Variants in ATP9A observed in about 807,000 individuals in gnomAD.
ATP9A encodes probable phospholipid-transporting ATPase IIA.
A neutral mutation model predicts 144.1 loss-of-function variants in ATP9A; 52 were observed. That is an observed-to-expected ratio of 0.36 (90% CI 0.29 to 0.45). The LOEUF (loss-of-function observed/expected upper bound fraction) is 0.45, where lower values mean the gene tolerates loss of function less well. Among genes scored for constraint, ATP9A ranks in the 20% least tolerant of loss-of-function variants. The pLI, the probability that ATP9A is intolerant of heterozygous loss-of-function variation, is 1.00. For missense variants in ATP9A, 947 were observed against 1,392.7 expected, an observed-to-expected ratio of 0.68 and a Z score of 5.09; for synonymous variants, 582 against 557.4, an observed-to-expected ratio of 1.04 and a Z score of -0.62.
At chr20:51,605,136 T>C in intron 26 of ATP9A, 116 bp from the exon 27 acceptor site, 1 of 875,594 alleles carries the variant, frequency 1.1e-6, no homozygotes, top group Non-Finnish European at 1.6e-6. Context: ...CATCACTTGT[T>C]ACATGAGGTT....
chr20:51,723,337 CA>C (rs2077697655), intron 3 of ATP9A, among the ~76,000 whole-genome samples: 1 of 151,744 alleles, frequency 6.6e-6, no homozygotes, highest in South Asian at 2.1e-4. Context: ...CAAAATCTCA[CA>C]AATCACCACT....
Position 51,718,814 on chromosome 20 carries a change from C to CAAAAAA in ATP9A, c.328-5746_328-5741dup, listed in dbSNP as rs71192550. ...TGGGCAACAGAGCAAGACTCCATCT[C>CAAAAAA]AAAAAAAAAAAAAAAAAAAAAAAAA... On this transcript the variant is annotated intron_variant, in intron 3 of 27. Transcript: ENST00000338821. Among the ~76,000 whole-genome samples the CAAAAAA allele has an allele frequency of 3.3e-4, 19 of 57,692 alleles. 2 individuals carry two copies. Among genetic ancestry groups the CAAAAAA allele is most frequent in the African/African-American group, 9.8e-4 (11 of 11,242 alleles). The allele number at this position is 57,692 out of a possible 152,430, so 37.8% of individuals were successfully genotyped here.
chr20:51,657,216 C>A (rs2077390861), intron 13 of ATP9A, 66 bp from the exon 14 acceptor site: 29 of 1,316,988 alleles, frequency 2.2e-5, no homozygotes, highest in Non-Finnish European at 3.0e-5. Flanking sequence ...AGTGGAAGAA[C>A]AGCCGTGCAG....
At chr20:51,731,371 A>G (rs868866693) in intron 1 of ATP9A, among the ~76,000 whole-genome samples, 25 of 152,236 alleles carry the variant, frequency 1.6e-4, no homozygotes, top group African/African-American at 5.5e-4. Context: ...AGGATTTAAG[A>G]AAATAAATAT....
chr20:51,694,488 G>A (rs1013822268), intron 6 of ATP9A, among the ~76,000 whole-genome samples: 2 of 152,114 alleles, frequency 1.3e-5, no homozygotes, highest in African/African-American at 2.4e-5. Flanking sequence ...ACCTTCTCAG[G>A]ACCCAAACCA....
chr20:51,670,016 A>G lies in ATP9A; in HGVS notation c.1274T>C (p.Ile425Thr). 2 of 1,614,038 alleles carry G rather than the reference A, an allele frequency of 1.2e-6. No individual in the cohort carries two copies. Among genetic ancestry groups the G allele is most frequent in the Non-Finnish European group, 1.7e-6 (2 of 1,179,972 alleles). ...CTTTACCTGGGTGTAAATGCTGAAA[A>G]TGTGGCTTTGTACTTCGTCCATTGA... ...LDSMDEVQSHIFSIYTQQSQD... is the reference protein window; with the variant it reads ...LDSMDEVQSHTFSIYTQQSQD... The change falls in exon 13 of 28, where the codon ATT becomes ACT. Residue 425 changes from isoleucine to threonine, a missense_variant. This residue lies in a region of ATP9A where 770 missense variants were observed against 1,047.9 expected (regional missense o/e 0.73). Transcript: ENST00000338821.
intron 4 of ATP9A, among the ~76,000 whole-genome samples, chr20:51,705,752 C>G (rs1770321313): frequency 1.3e-5 from 2 of 152,174 alleles, no homozygotes; most frequent in Admixed American, 6.6e-5. Flanking sequence ...CCCCATTAAA[C>G]TTTTGGTTTG....
intron 3 of ATP9A, among the ~76,000 whole-genome samples, chr20:51,720,608 CGGATCACTT>C (rs1437885310): frequency 6.6e-6 from 1 of 152,090 alleles, no homozygotes; most frequent in Admixed American, 6.6e-5. Flanking sequence ...TCAAGGTGGA[CGGATCACTT>C]GAGGTCAGGA....
intron 1 of ATP9A, among the ~76,000 whole-genome samples, chr20:51,750,087 G>A (rs952505490): frequency 1.1e-4 from 17 of 152,186 alleles, no homozygotes; most frequent in South Asian, 1.0e-3. Flanking sequence ...CCCGGGAGGC[G>A]GAGGTTGCGG....
Position 51,651,853 on chromosome 20 carries a change from C to T in ATP9A, c.1506+5085G>A, listed in dbSNP as rs544093370. ...CTGAGGCAGAAGAATGGTTTGAACCCGGGAGGCGGAGATTGCAGTGAGCCA... is the reference window on the plus strand; with the variant it reads ...CTGAGGCAGAAGAATGGTTTGAACCTGGGAGGCGGAGATTGCAGTGAGCCA... On this transcript the variant is annotated intron_variant, in intron 14 of 27. Transcript: ENST00000338821. Among the ~76,000 whole-genome samples the T allele has an allele frequency of 1.1e-4, 16 of 152,094 alleles. No homozygotes were observed. The South Asian group carries it at 2.5e-3, about 24-fold the overall frequency.
intron 4 of ATP9A, among the ~76,000 whole-genome samples, chr20:51,711,407 T>A (rs933682157): frequency 6.6e-6 from 1 of 152,208 alleles, no homozygotes; most frequent in Non-Finnish European, 1.5e-5. Context: ...ATGGATGGAC[T>A]GCTTCCTTGG....
At chr20:51,730,581 C>A (rs6126330) in intron 1 of ATP9A, among the ~76,000 whole-genome samples, 12,563 of 152,240 alleles carry the variant, frequency 0.083, 819 homozygotes, top group East Asian at 0.31. Flanking sequence ...TAGGCCATTT[C>A]GGCACTGTGG....
At chr20:51,705,727 G>A (rs974443912) in intron 4 of ATP9A, among the ~76,000 whole-genome samples, 10 of 152,062 alleles carry the variant, frequency 6.6e-5, no homozygotes, top group African/African-American at 1.9e-4. Context: ...TGTGATAATC[G>A]AGGCAACCCC....
chr20:51,719,622 A>T (rs2077679320), intron 3 of ATP9A, among the ~76,000 whole-genome samples: 1 of 151,704 alleles, frequency 6.6e-6, no homozygotes, highest in African/African-American at 2.4e-5. Context: ...AGTCCCAGCT[A>T]CTTGGGAGGC....
intron 13 of ATP9A, among the ~76,000 whole-genome samples, chr20:51,666,845 A>G (rs2077435141): frequency 6.6e-6 from 1 of 152,196 alleles, no homozygotes. Context: ...CACACTGTGT[A>G]TTCAACATGG....
In ATP9A at chr20:51,618,792, G is replaced by A; in HGVS notation, c.2220C>T (p.Tyr740=). 2 of 1,595,500 alleles carry A rather than the reference G, an allele frequency of 1.3e-6. No individual in the cohort carries two copies. Among genetic ancestry groups the A allele is most frequent in the South Asian group, 2.3e-5 (2 of 88,314 alleles). The change falls in exon 21 of 28, where the codon TAC becomes TAT. Residue 740 remains tyrosine (Y), a synonymous_variant. Transcript: ENST00000338821. ...CCAGCTCCATGAACTCGTACTCATA[G>A]TACTTGAGGCAAACCTGCAGGGTGG... is the stretch of plus-strand genomic sequence containing the variant. ...SGDSLEVCLK[Y]YEYEFMELAC...
Position 51,608,637 on chromosome 20 carries a change from A to C in ATP9A, c.2637-11T>G. 6.4e-7 allele frequency: 1 copy of C among 1,557,234 alleles called. No individual in the cohort carries two copies. ...TAAATTGTGGAGTACCTGGGAGAGA[A>C]AACCGCCATAGGTAAGACCTGGCTG... On this transcript the variant is annotated splice_polypyrimidine_tract_variant and intron_variant, in intron 24 of 27. Transcript: ENST00000338821.
chr20:51,634,777 C>T (rs1185090705), intron 15 of ATP9A, among the ~76,000 whole-genome samples: 2 of 147,420 alleles, frequency 1.4e-5, no homozygotes, highest in African/African-American at 5.0e-5. Flanking sequence ...ATCGCTTGGA[C>T]CCCGGAGGCG....
At chr20:51,631,808 T>C (rs1220284328) in intron 15 of ATP9A, among the ~76,000 whole-genome samples, 5 of 152,206 alleles carry the variant, frequency 3.3e-5, no homozygotes, top group Non-Finnish European at 7.3e-5. Context: ...GAACATCTTG[T>C]ACGCCACAAA....
Sources: allele counts gnomAD v4.1 joint callset (sites outside exome capture counted in the v4.1 genomes callset), GRCh38; gene constraint gnomAD v4.1.1; regional missense constraint gnomAD v4.1.1; transcripts MANE v1.5; gene names NCBI Gene and HGNC (gene_info 2026-07-23, HGNC 2026-07-21).